The following GPR137B variants were observed in gnomAD, a reference collection of about 807,000 sequenced individuals.
The protein encoded by GPR137B is integral membrane protein GPR137B.
GPR137B carries 42 observed loss-of-function variants against 42.5 expected under a neutral mutation model. The observed-to-expected ratio is 0.99, with a 90% CI of 0.77 to 1.28. The LOEUF (loss-of-function observed/expected upper bound fraction) is 1.28. Ranked by LOEUF, GPR137B falls within the 50% of genes most tolerant of loss-of-function variation. The pLI is 0.00. For synonymous variants in GPR137B, 218 were observed against 209.7 expected (o/e 1.04, Z -0.34); for missense variants, 487 against 493.9 (o/e 0.99, Z 0.13).
At chr1:236,148,697 G>A (rs960656038) in intron 1 of GPR137B, among the ~76,000 whole-genome samples, 9 of 152,180 alleles carry the variant, frequency 5.9e-5, no homozygotes, top group African/African-American at 1.7e-4. Flanking sequence ...GGGATGGTTC[G>A]TGAGTCATGT....
At chr1:236,181,964 C>T (rs1224500306) in intron 4 of GPR137B, among the ~76,000 whole-genome samples, 1 of 148,116 alleles carries the variant, frequency 6.8e-6, no homozygotes, top group Non-Finnish European at 1.5e-5. Context: ...ACAATCTTGG[C>T]TCACTGCAAC....
chr1:236,183,838 G>T lies in GPR137B; in HGVS notation c.898G>T (p.Val300Phe). Reference protein sequence around the residue: ...GYVLFGVVLFVWELLPTTLVV... With the variant: ...GYVLFGVVLFFWELLPTTLVV... ...CGTATTATTTGGAGTGGTGTTATTTGTTTGGGAACTCTTACCTACCACCTT... is the reference window on the plus strand; with the variant it reads ...CGTATTATTTGGAGTGGTGTTATTTTTTTGGGAACTCTTACCTACCACCTT... The change falls in exon 5 of 7, where the codon GTT (valine) becomes TTT (phenylalanine). Residue 300 changes from valine to phenylalanine, a missense_variant. Coordinates refer to ENST00000366592, the MANE Select transcript of GPR137B (RefSeq NM_003272.4). 6.2e-7 allele frequency: 1 copy of T among 1,603,786 alleles called. No homozygotes were observed. The highest frequency in any genetic ancestry group is 8.5e-7 in the Non-Finnish European group (1 of 1,170,812).
chr1:236,192,651 C>A (rs1211500356), intron 5 of GPR137B, among the ~76,000 whole-genome samples: 1 of 152,062 alleles, frequency 6.6e-6, no homozygotes, highest in East Asian at 1.9e-4. Context: ...TGCTTCGGCT[C>A]ACCCTCCGTG....
At chr1:236,143,510 T>C (rs191420393) in intron 1 of GPR137B, among the ~76,000 whole-genome samples, 250 of 152,362 alleles carry the variant, frequency 1.6e-3, no homozygotes, top group Non-Finnish European at 2.2e-3. Flanking sequence ...TTTTGAGCGT[T>C]GGCAGGGTGA....
At chr1:236,183,357 C>A (rs569170647) in intron 4 of GPR137B, among the ~76,000 whole-genome samples, 9 of 152,278 alleles carry the variant, frequency 5.9e-5, no homozygotes, top group Non-Finnish European at 1.0e-4. Flanking sequence ...GGCAACATAA[C>A]CTTCTCACTA....
intron 5 of GPR137B, among the ~76,000 whole-genome samples, chr1:236,195,986 C>T (rs1663320810): frequency 6.6e-6 from 1 of 152,054 alleles, no homozygotes; most frequent in South Asian, 2.1e-4. Context: ...AATCCCTTGT[C>T]AGATGGGTAG....
chr1:236,160,772 G>A (rs1199435128), intron 1 of GPR137B, among the ~76,000 whole-genome samples: 1 of 152,098 alleles, frequency 6.6e-6, no homozygotes, highest in Non-Finnish European at 1.5e-5. Flanking sequence ...AGCTTAAGGT[G>A]AAGTGGTCCA....
chr1:236,179,971 T>G lies in GPR137B; in HGVS notation c.780T>G (p.Phe260Leu), dbSNP rs1384782306. 1 of 1,613,558 alleles carries G rather than the reference T, an allele frequency of 6.2e-7. No homozygotes were observed. Among genetic ancestry groups the G allele is most frequent in the African/African-American group, 1.3e-5 (1 of 74,912 alleles). ...RACYNLFILSFSQNKSVHSFD... is the reference protein window; with the variant it reads ...RACYNLFILSLSQNKSVHSFD... Reference sequence around the variant, plus strand: ...GCTACAACCTGTTCATCCTGTCATTTTCTCAGAACAAGAGCGTCCATTCCT... The same window carrying G: ...GCTACAACCTGTTCATCCTGTCATTGTCTCAGAACAAGAGCGTCCATTCCT... The change falls in exon 4 of 7, where the codon TTT becomes TTG. Residue 260 changes from phenylalanine to leucine, a missense_variant. By Grantham distance (22) the Phe-to-Leu change is conservative. Coordinates refer to ENST00000366592, the MANE Select transcript of GPR137B (RefSeq NM_003272.4).
chr1:236,190,749 C>T (rs1037725810), intron 5 of GPR137B, among the ~76,000 whole-genome samples: 1 of 152,164 alleles, frequency 6.6e-6, no homozygotes, highest in African/African-American at 2.4e-5. Flanking sequence ...ACCTTTCTGT[C>T]TAGCTGCCCT....
At position 236,178,162 on chromosome 1, in the gene GPR137B, C is replaced by T. The variant is rs181032802; in HGVS notation, c.465-252C>T. 1.5e-3 allele frequency among the ~76,000 whole-genome samples: 225 copies of T among 152,250 alleles called. 1 individual carries two copies. Among genetic ancestry groups the T allele is most frequent in the Non-Finnish European group, 2.4e-3 (165 of 68,006 alleles). ...CTCAGCGAGTGTCCACGCCAGCCAA[C>T]GAGTGTGAGCTCTCAGTCCTCACAA... On this transcript the variant is annotated intron_variant, in intron 2 of 6. Transcript: ENST00000366592.
intron 5 of GPR137B, among the ~76,000 whole-genome samples, chr1:236,202,628 A>T (rs557039373): frequency 6.6e-6 from 1 of 152,142 alleles, no homozygotes; most frequent in East Asian, 1.9e-4. Flanking sequence ...ATGTAAATAG[A>T]ATAGATGAAC....
chr1:236,194,062 T>A (rs1663270650), intron 5 of GPR137B, among the ~76,000 whole-genome samples: 1 of 152,176 alleles, frequency 6.6e-6, no homozygotes, highest in Admixed American at 6.5e-5. Context: ...TTTAATCTTT[T>A]CCTAGGCTAA....
At chr1:236,206,955 AG>A (rs1160961527) in intron 6 of GPR137B, among the ~76,000 whole-genome samples, 2 of 152,218 alleles carry the variant, frequency 1.3e-5, no homozygotes, top group Non-Finnish European at 2.9e-5. Flanking sequence ...AGAAAGTGAA[AG>A]GTTATCTTAT....
intron 1 of GPR137B, among the ~76,000 whole-genome samples, chr1:236,165,352 T>C (rs906441409): frequency 1.3e-5 from 2 of 152,186 alleles, no homozygotes; most frequent in African/African-American, 4.8e-5. Context: ...TGCCTTGATA[T>C]GTGATGACTT....
chr1:236,148,025 C>T (rs1461938189), intron 1 of GPR137B, among the ~76,000 whole-genome samples: 1 of 152,222 alleles, frequency 6.6e-6, no homozygotes, highest in Non-Finnish European at 1.5e-5. Context: ...CTTTGGGGAA[C>T]AGCTGAGCTT....
Position 236,178,640 on chromosome 1 carries a change from G to GGTGGAAAT in GPR137B, c.687+9_687+16dup. On this transcript the variant is annotated splice_donor_region_variant and intron_variant, in intron 3 of 6. Coordinates refer to ENST00000366592, the MANE Select transcript of GPR137B (RefSeq NM_003272.4). ...CAACATTTACTTGGAGTCCAAGGTA[G>GGTGGAAAT]GTGGAAATGTGGTCAAGATCCCTCC... The GGTGGAAAT allele has an allele frequency of 6.4e-7, 1 of 1,558,062 alleles. No homozygotes were observed.
In GPR137B at chr1:236,164,886, AAGAGAGAGAG is replaced by A. The variant is rs10581092; in HGVS notation, c.415-3794_415-3785del. Among the ~76,000 whole-genome samples, 120 of 143,976 alleles carry A rather than the reference AAGAGAGAGAG, an allele frequency of 8.3e-4. No homozygotes were observed. In the South Asian group the frequency reaches 0.012, roughly 15 times the overall value. 94.5% of individuals were successfully genotyped at this position (143,976 alleles called of 152,430 possible). A position where few individuals can be genotyped will look rare whatever the true frequency, so the allele number is the denominator to read the frequency against. On this transcript the variant is annotated intron_variant, in intron 1 of 6. Coordinates refer to ENST00000366592, the MANE Select transcript of GPR137B (RefSeq NM_003272.4). ...GCTTGAATAGTGCCCAGATGAATTC[AAGAGAGAGAG>A]AGAGAGAGAGAGAGAGAGAGAGAGA... is the stretch of plus-strand genomic sequence containing the variant.
intron 1 of GPR137B, among the ~76,000 whole-genome samples, chr1:236,149,493 C>T (rs539410612): frequency 4.6e-5 from 7 of 152,242 alleles, no homozygotes; most frequent in East Asian, 1.9e-4. Context: ...CCCTAAAAGT[C>T]GAATCCAGGA....
intron 2 of GPR137B, among the ~76,000 whole-genome samples, chr1:236,174,857 G>T (rs549461930): frequency 6.6e-6 from 1 of 151,966 alleles, no homozygotes; most frequent in East Asian, 1.9e-4. Context: ...AGAAAAAAAG[G>T]ACATTGGGAA....
Sources: gnomAD v4.1 joint callset for allele counts (sites outside exome capture counted in the v4.1 genomes callset) on GRCh38, gnomAD v4.1.1 for gene constraint, MANE v1.5 for transcripts, NCBI Gene and HGNC (gene_info 2026-07-23, HGNC 2026-07-21) for gene names.